The following PIK3CD variants were observed in gnomAD, a reference collection of about 807,000 sequenced individuals.
PIK3CD encodes the protein phosphatidylinositol 4,5-bisphosphate 3-kinase catalytic subunit delta isoform.
Under a neutral mutation model 122.9 loss-of-function variants are expected in PIK3CD, and 20 were observed. That is an observed-to-expected ratio of 0.16 (90% CI 0.11 to 0.24). The LOEUF (loss-of-function observed/expected upper bound fraction) is 0.24. Among genes scored for constraint, PIK3CD ranks in the 10% least tolerant of loss-of-function variants. PIK3CD has a pLI of 1.00. For missense variants in PIK3CD, 787 were observed against 1,406.3 expected (o/e 0.56, Z 7.04); for synonymous variants, 596 against 593.4 (o/e 1.00, Z -0.06).
chr1:9,705,850 T>C (rs192274305), intron 2 of PIK3CD, among the ~76,000 whole-genome samples: 1 of 152,310 alleles, frequency 6.6e-6, no homozygotes, highest in Non-Finnish European at 1.5e-5. Context: ...TTGATCTCCA[T>C]ACCACAGTTC....
At chr1:9,637,281 G>A in the PIK3CD span, among the ~76,000 whole-genome samples, 6 of 148,198 alleles carry the variant, frequency 4.0e-5, no homozygotes, top group East Asian at 6.1e-4. Flanking sequence ...TGTGATCCCA[G>A]TGCTATGGGA....
chr1:9,679,858 C>A (rs930606429), intron 1 of PIK3CD, among the ~76,000 whole-genome samples: 2 of 152,160 alleles, frequency 1.3e-5, no homozygotes, highest in African/African-American at 4.8e-5. Flanking sequence ...GAGTTTCACT[C>A]CTGTCACACA....
rs554627047 is a variant in PIK3CD at position 9,721,381 on chromosome 1, G to A, written c.1812-63G>A. 478 of 1,609,844 alleles carry A rather than the reference G, an allele frequency of 3.0e-4. 7 individuals carry two copies. The Middle Eastern group carries it at 3.0e-3, about 10-fold the overall frequency. On this transcript the variant is annotated intron_variant, in intron 14 of 23. Transcript: ENST00000377346. ...CCTGCCTGGCCTCCCTCTGGCTGCC[G>A]AGGGAGCTCCCTCCTGTCCTGAGTC...
rs796460801 is a variant in PIK3CD at position 9,710,005 on chromosome 1, C to CAA, written c.-32-407_-32-406dup. The stretch of plus-strand genomic sequence containing the variant: ...TGGGTGACAGAGCAAGACTCCGGCT[C>CAA]AAAAAAAAAAAAAGAATGTATTTCA... On this transcript the variant is annotated intron_variant, in intron 2 of 23. Coordinates refer to ENST00000377346, the MANE Select transcript of PIK3CD (RefSeq NM_005026.5). This position sits in a 1 kb window ranked among gnomAD's most constrained non-coding sequence, Gnocchi z 4.7. 1.0e-4 allele frequency among the ~76,000 whole-genome samples: 13 copies of CAA among 130,048 alleles called. No homozygotes were observed. Among genetic ancestry groups the CAA allele is most frequent in the African/African-American group, 3.7e-4 (13 of 35,396 alleles). The allele number at this position is 130,048 out of a possible 152,430, so 85.3% of individuals were successfully genotyped here.
At chr1:9,654,468 C>T (rs781118460) in intron 1 of PIK3CD, 12 of 835,976 alleles carry the variant, frequency 1.4e-5, no homozygotes, top group African/African-American at 4.9e-5. Flanking sequence ...GACAGACAGT[C>T]CACCAATGGT....
At chr1:9,679,199 C>T (rs772685975) in intron 1 of PIK3CD, among the ~76,000 whole-genome samples, 24 of 151,744 alleles carry the variant, frequency 1.6e-4, no homozygotes, top group Non-Finnish European at 3.1e-4. Flanking sequence ...TCCTGAGTAG[C>T]TGGGATTACA....
At chr1:9,674,252 T>C (rs1339592731) in intron 1 of PIK3CD, among the ~76,000 whole-genome samples, 1 of 152,258 alleles carries the variant, frequency 6.6e-6, no homozygotes, top group African/African-American at 2.4e-5. Context: ...GTAGCATTTG[T>C]ACTTAGGAGC....
At chr1:9,709,717 T>G (rs1260512377) in intron 2 of PIK3CD, among the ~76,000 whole-genome samples, 1 of 151,468 alleles carries the variant, frequency 6.6e-6, no homozygotes, top group Non-Finnish European at 1.5e-5. Context: ...AAAAAAAATC[T>G]ATTTCACAGC....
Position 9,718,045 on chromosome 1 carries a change from G to A in PIK3CD, c.1020+419G>A, listed in dbSNP as rs945382953. The A allele has an allele frequency of 4.2e-6, 2 of 478,310 alleles. No individual in the cohort carries two copies. Among genetic ancestry groups the A allele is most frequent in the Non-Finnish European group, 8.3e-6 (2 of 242,228 alleles). The allele number at this position is 478,310 out of a possible 1,614,324, so 29.6% of individuals were successfully genotyped here. ...GGCTGCACCTGCCTCAACCTCTAGG[G>A]GCTGAGCCCACCTCCCTGTTGTCTC... On this transcript the variant is annotated intron_variant, in intron 8 of 23. Transcript: ENST00000377346. The surrounding 1 kb of genome is among the most constrained non-coding windows in gnomAD (Gnocchi z 7.2).
rs966261028 is a variant in PIK3CD at position 9,717,892 on chromosome 1, G to A, written c.1020+266G>A. Reference sequence around the variant, plus strand: ...ACTTTGGTGGAGGTTATGGGGCCAGGTTCAGCCCAGGGATCCGGGACCGCA... The same window carrying A: ...ACTTTGGTGGAGGTTATGGGGCCAGATTCAGCCCAGGGATCCGGGACCGCA... On this transcript the variant is annotated intron_variant, in intron 8 of 23. Transcript: ENST00000377346. The surrounding 1 kb of genome is among the most constrained non-coding windows in gnomAD (Gnocchi z 5.4). Among the ~76,000 whole-genome samples the A allele has an allele frequency of 2.0e-5, 3 of 152,144 alleles. No homozygotes were observed. The highest frequency in any genetic ancestry group is 4.4e-5 in the Non-Finnish European group (3 of 68,016).
At position 9,715,544 on chromosome 1, in the gene PIK3CD, C is replaced by G; in HGVS notation, c.145C>G (p.Leu49Val). The G allele has an allele frequency of 6.2e-7, 1 of 1,613,186 alleles. No homozygotes were observed. Among genetic ancestry groups the G allele is most frequent in the Non-Finnish European group, 8.5e-7 (1 of 1,179,870 alleles). The change falls in exon 4 of 24, where the codon CTG (leucine) becomes GTG (valine). Residue 49 changes from leucine to valine, a missense_variant. Transcript: ENST00000377346. The surrounding 1 kb of genome is among the most constrained non-coding windows in gnomAD (Gnocchi z 4.1). ...TGACCGGTGACTGTCCCTCCAGCTG[C>G]TGTGGCACCGCGCCCAGTATGAGCC... ...NANLSTIKQL[L>V]WHRAQYEPLF...
Position 9,724,987 on chromosome 1 carries a change from C to G in PIK3CD, c.2997+51C>G. ...TCGCCAGTGGACTTCCAAGGCCTGC[C>G]CCCGAGCAATGTGACCTAGGAGGGC... On this transcript the variant is annotated intron_variant, in intron 23 of 23. Coordinates refer to ENST00000377346, the MANE Select transcript of PIK3CD (RefSeq NM_005026.5). The surrounding 1 kb of genome is among the most constrained non-coding windows in gnomAD (Gnocchi z 7.3). 1.2e-6 allele frequency: 2 copies of G among 1,608,486 alleles called. No individual in the cohort carries two copies. The highest frequency in any genetic ancestry group is 1.7e-6 in the Non-Finnish European group (2 of 1,178,162).
At chr1:9,711,615 C>T (rs1647055190) in intron 3 of PIK3CD, among the ~76,000 whole-genome samples, 1 of 152,052 alleles carries the variant, frequency 6.6e-6, no homozygotes, top group South Asian at 2.1e-4. Flanking sequence ...ACTCTGTTGC[C>T]CAGCCTGGAG....
At chr1:9,659,088 G>A (rs1032965833) in intron 1 of PIK3CD, among the ~76,000 whole-genome samples, 1 of 152,036 alleles carries the variant, frequency 6.6e-6, no homozygotes, top group Admixed American at 6.6e-5. Context: ...TCTTTTGGAT[G>A]TGCATTTTAA....
At chr1:9,697,538 A>C (rs1330604774) in intron 2 of PIK3CD, among the ~76,000 whole-genome samples, 2 of 151,834 alleles carry the variant, frequency 1.3e-5, no homozygotes, top group East Asian at 1.9e-4. Flanking sequence ...AAGACAACAA[A>C]ATTGTATTTC....
rs564726110 is a variant in PIK3CD, at chr1:9,692,522, C to T, written c.-33+951C>T. Among the ~76,000 whole-genome samples, 61 of 151,286 alleles carry T rather than the reference C, an allele frequency of 4.0e-4. 1 individual carries two copies. Among genetic ancestry groups the T allele is most frequent in the Admixed American group, 2.0e-3 (31 of 15,140 alleles). On this transcript the variant is annotated intron_variant, in intron 2 of 23. Coordinates refer to ENST00000377346, the MANE Select transcript of PIK3CD (RefSeq NM_005026.5). The stretch of plus-strand genomic sequence containing the variant: ...TGGGCGAATCACGAGGTCAGGAGTT[C>T]GAGACCAGCCTGGCCAACCAACATG...
At chr1:9,657,970 C>A (rs967889782) in intron 1 of PIK3CD, among the ~76,000 whole-genome samples, 8 of 148,080 alleles carry the variant, frequency 5.4e-5, no homozygotes, top group Non-Finnish European at 8.8e-5. Flanking sequence ...AGGGCTGGGC[C>A]CCCCCCTTGC....
rs1450474988 is a variant in PIK3CD, at chr1:9,689,720, C to G, written c.-137-1747C>G. Among the ~76,000 whole-genome samples, 1 of 151,754 alleles carries G rather than the reference C, an allele frequency of 6.6e-6. No homozygotes were observed. The highest frequency in any genetic ancestry group is 1.5e-5 in the Non-Finnish European group (1 of 67,854). The stretch of plus-strand genomic sequence containing the variant: ...GGGCCCCGCCCCCGGCAGCGACACC[C>G]GGTACGGAGCCCACCTGTGCGGGCG... On this transcript the variant is annotated intron_variant, in intron 1 of 23. Coordinates refer to ENST00000377346, the MANE Select transcript of PIK3CD (RefSeq NM_005026.5). This position sits in a 1 kb window ranked among gnomAD's most constrained non-coding sequence, Gnocchi z 6.1.
intron 1 of PIK3CD, among the ~76,000 whole-genome samples, chr1:9,655,131 G>A (rs1258348691): frequency 5.3e-5 from 8 of 152,090 alleles, no homozygotes; most frequent in Admixed American, 4.6e-4. Context: ...CTCCCCAGGG[G>A]ACAAGTGTGT....
Sources: allele counts gnomAD v4.1 joint callset (sites outside exome capture counted in the v4.1 genomes callset), GRCh38; gene constraint gnomAD v4.1.1; non-coding constraint Gnocchi (gnomAD v3.1); transcripts MANE v1.5; gene names NCBI Gene and HGNC (gene_info 2026-07-23, HGNC 2026-07-21).